LY6G5C: variants seen among roughly 807,000 people sequenced by gnomAD.
The protein encoded by LY6G5C is lymphocyte antigen 6 family member G5C, also known as lymphocyte antigen 6 complex locus protein G5c.
LY6G5C carries 6 observed loss-of-function variants against 10.5 expected under a neutral mutation model. The ratio of observed to expected loss-of-function variants is 0.57; its 90% CI spans 0.31 to 1.12. The LOEUF (loss-of-function observed/expected upper bound fraction) is 1.12. LY6G5C is among the 50% of genes most tolerant of loss of function. The pLI is 0.05. For synonymous variants in LY6G5C, 69 were observed against 67.8 expected (o/e 1.02, Z -0.09); for missense variants, 160 against 185.5 (o/e 0.86, Z 0.80).
At position 31,679,206 on chromosome 6, in the gene LY6G5C, A is replaced by T. The variant is rs1460688298; in HGVS notation, c.184T>A (p.Cys62Ser). The T allele has an allele frequency of 1.2e-6, 2 of 1,612,930 alleles. No individual in the cohort carries two copies. The highest frequency in any genetic ancestry group is 1.7e-6 in the Non-Finnish European group (2 of 1,180,036). Residue 62 changes from cysteine (C) to serine (S), a missense_variant, in exon 2 of 3, where the codon TGC becomes AGC. Coordinates refer to ENST00000383237, the Ensembl canonical transcript of LY6G5C. This position sits in a 1 kb window ranked among gnomAD's most constrained non-coding sequence, Gnocchi z 4.4. ...TTGGTCTCCAAGAGGCATCGGTAGCAGCGCAGGTATTTGGGGAATGGAAGT... is the reference window on the plus strand; with the variant it reads ...TTGGTCTCCAAGAGGCATCGGTAGCTGCGCAGGTATTTGGGGAATGGAAGT...
chr6:31,678,182 T>C (rs2151202783), intron 2 of LY6G5C, among the ~76,000 whole-genome samples: 1 of 152,310 alleles, frequency 6.6e-6, no homozygotes, highest in South Asian at 2.1e-4. Context: ...TAGCACATAT[T>C]ATGTGTTACG....
At position 31,680,207 on chromosome 6, in the gene LY6G5C, C is replaced by T. The variant is rs976838269; in HGVS notation, c.121+46G>A. ...CCAGACACTTGGTGTCTGTGGGTTT[C>T]TCCATCCAGGCCAGGAGACCCTTCT... On this transcript the variant is annotated intron_variant, in intron 1 of 2. Transcript: ENST00000383237. The surrounding 1 kb of genome is among the most constrained non-coding windows in gnomAD (Gnocchi z 4.5). 2 of 1,612,500 alleles carry T rather than the reference C, an allele frequency of 1.2e-6. No homozygotes were observed. The highest frequency in any genetic ancestry group is 8.5e-7 in the Non-Finnish European group (1 of 1,179,578).
intron 2 of LY6G5C, 148 bp from the exon 3 acceptor site, chr6:31,677,268 C>T (rs1357482127): frequency 2.7e-6 from 2 of 736,336 alleles, no homozygotes; most frequent in Non-Finnish European, 4.3e-6. Context: ...TGTTCACCAG[C>T]CATGGAACTC....
chr6:31,680,873 C>T (rs1181561880), upstream of LY6G5C, among the ~76,000 whole-genome samples: 2 of 152,108 alleles, frequency 1.3e-5, no homozygotes, highest in Non-Finnish European at 2.9e-5. This position sits in a 1 kb window ranked among gnomAD's most constrained non-coding sequence, Gnocchi z 4.5. Flanking sequence ...ACGCTATTCC[C>T]GAGTCCGGTC....
At chr6:31,677,259 G>A (rs1802634633) in intron 2 of LY6G5C, 139 bp from the exon 3 acceptor site, 1 of 798,982 alleles carries the variant, frequency 1.3e-6, no homozygotes, top group Admixed American at 2.9e-5. Flanking sequence ...CATGCCCAGT[G>A]TTCACCAGCC....
chr6:31,677,008 G>C, exon 3 of LY6G5C: 1 of 1,613,036 alleles, frequency 6.2e-7, no homozygotes, highest in Non-Finnish European at 8.5e-7. Context: ...AATCCAGGAA[G>C]CAGTATTGAG....
At chr6:31,678,393 T>C (rs2151203009) in intron 2 of LY6G5C, among the ~76,000 whole-genome samples, 1 of 152,226 alleles carries the variant, frequency 6.6e-6, no homozygotes, top group African/African-American at 2.4e-5. Flanking sequence ...TTTGAGTATA[T>C]GAAGTGGGAA....
At chr6:31,676,836 G>T in exon 3 of LY6G5C, 1 of 925,440 alleles carries the variant, frequency 1.1e-6, no homozygotes, top group Non-Finnish European at 1.7e-6. Context: ...GGGGTCCAGT[G>T]GCTGGAGGGA....
intron 2 of LY6G5C, among the ~76,000 whole-genome samples, 194 bp downstream of exon 2, chr6:31,678,907 G>T (rs1245963723): frequency 6.6e-6 from 1 of 151,926 alleles, no homozygotes; most frequent in Non-Finnish European, 1.5e-5. Context: ...TTGAACTGGA[G>T]AGGTGGAGGT....
chr6:31,678,718 C>T (rs1019835846), intron 2 of LY6G5C, among the ~76,000 whole-genome samples: 7 of 152,144 alleles, frequency 4.6e-5, no homozygotes, highest in Admixed American at 4.6e-4. Flanking sequence ...GTGGCTCACG[C>T]CTGTAATCCC....
At chr6:31,677,201 CA>C (rs11443495) in intron 2 of LY6G5C, 81 bp from the exon 3 acceptor site, 15,442 of 1,113,638 alleles carry the variant, frequency 0.014, no homozygotes, top group South Asian at 0.022. Context: ...ACTCATAAGT[CA>C]AAAAAAAAAG....
exon 3 of LY6G5C, chr6:31,677,063 C>A: frequency 6.2e-7 from 1 of 1,612,998 alleles, no homozygotes. Context: ...GGTATTTGAA[C>A]AATCACTCAT....
intron 2 of LY6G5C, among the ~76,000 whole-genome samples, chr6:31,678,483 G>A (rs1279845445): frequency 6.6e-6 from 1 of 152,212 alleles, no homozygotes; most frequent in Admixed American, 6.5e-5. Flanking sequence ...GACTGAAGAA[G>A]CCGTGGAGGA....
chr6:31,680,421 T>C, upstream of LY6G5C: 2 of 1,576,078 alleles, frequency 1.3e-6, no homozygotes, highest in Non-Finnish European at 1.7e-6. The surrounding 1 kb of genome is among the most constrained non-coding windows in gnomAD (Gnocchi z 4.5). Flanking sequence ...GGAAGAGAGG[T>C]TGGCCAAGAG....
exon 3 of LY6G5C, chr6:31,677,120 C>A: frequency 6.2e-7 from 1 of 1,612,356 alleles, no homozygotes; most frequent in Non-Finnish European, 8.5e-7. Context: ...AGAACCGCTG[C>A]CTGGGGAGGG....
At chr6:31,677,079 C>T in exon 3 of LY6G5C, 1 of 1,612,992 alleles carries the variant, frequency 6.2e-7, no homozygotes, top group Non-Finnish European at 8.5e-7. Flanking sequence ...CTCATCTGCT[C>T]CTTACTTCGG....
At chr6:31,677,235 T>A (rs1802631711) in intron 2 of LY6G5C, 115 bp from the exon 3 acceptor site, 1 of 1,053,662 alleles carries the variant, frequency 9.5e-7, no homozygotes, top group Non-Finnish European at 1.4e-6. Flanking sequence ...TTCCTGTAGT[T>A]AGGCATGGGT....
rs1186983828 is a variant in LY6G5C, at chr6:31,680,064, TAAATTTTTAA to T, written c.121+179_121+188del. The T allele has an allele frequency of 2.1e-5, 12 of 581,244 alleles. No individual in the cohort carries two copies. The highest frequency in any genetic ancestry group is 3.0e-5 in the Non-Finnish European group (10 of 331,788). 36.0% of individuals were successfully genotyped at this position (581,244 alleles called of 1,614,324 possible). ...TCCATCTCAAAAATAATAATAATAATAAATTTTTAAAAATCTTCAGATTGCACATCAGTCC... is the reference window on the plus strand; with the variant it reads ...TCCATCTCAAAAATAATAATAATAATAAATCTTCAGATTGCACATCAGTCC... On this transcript the variant is annotated intron_variant, in intron 1 of 2. Transcript: ENST00000383237. This position sits in a 1 kb window ranked among gnomAD's most constrained non-coding sequence, Gnocchi z 4.5.
At chr6:31,677,026 C>G in exon 3 of LY6G5C, 1 of 1,612,954 alleles carries the variant, frequency 6.2e-7, no homozygotes, top group South Asian at 1.1e-5. Flanking sequence ...GAGAGAATAT[C>G]CAGAAGCCAG....
Sources: gnomAD v4.1 joint callset for allele counts (sites outside exome capture counted in the v4.1 genomes callset) on GRCh38, gnomAD v4.1.1 for gene constraint, Gnocchi (gnomAD v3.1) non-coding constraint, MANE v1.5 for transcripts, NCBI Gene and HGNC (gene_info 2026-07-23, HGNC 2026-07-21) for gene names.